The following FREM2 variants were observed in gnomAD, a reference collection of about 807,000 sequenced individuals.
FREM2 encodes FRAS1-related extracellular matrix protein 2.
In FREM2, 119 loss-of-function variants were observed where a neutral mutation model predicts 219.9. The observed-to-expected ratio is 0.54, with a 90% CI of 0.47 to 0.63. The LOEUF (loss-of-function observed/expected upper bound fraction) is 0.63, where lower values mean the gene tolerates loss of function less well. FREM2 is among the 30% of genes least tolerant of loss of function. The probability of loss-of-function intolerance (pLI) is 0.00; values close to 1 mark genes in which losing one functional copy is unlikely to be tolerated. For missense variants in FREM2, 4,030 were observed against 3,993.6 expected (o/e 1.01, Z -0.25); for synonymous variants, 1,562 against 1,522.8 (o/e 1.03, Z -0.60).
chr13:38,813,031 A>C (rs1875556925), intron 6 of FREM2, among the ~76,000 whole-genome samples: 1 of 151,696 alleles, frequency 6.6e-6, no homozygotes, highest in Non-Finnish European at 1.5e-5. Context: ...TGTTTTTAAA[A>C]GTTACAGTTA....
intron 6 of FREM2, among the ~76,000 whole-genome samples, chr13:38,790,802 G>A (rs1874529642): frequency 2.0e-5 from 3 of 152,092 alleles, no homozygotes; most frequent in Admixed American, 1.3e-4. Context: ...GACCTTTTTG[G>A]CAAAGTGATT....
chr13:38,869,107 C>T (rs1361879179), intron 16 of FREM2, among the ~76,000 whole-genome samples: 1 of 152,210 alleles, frequency 6.6e-6, no homozygotes, highest in East Asian at 1.9e-4. Flanking sequence ...CACATTTTAT[C>T]AACTGGCAAT....
In FREM2 at chr13:38,876,116, A is replaced by G; in HGVS notation, c.8376A>G (p.Pro2792=). Residue 2792 remains proline, a synonymous_variant, in exon 19 of 24, where the codon CCA becomes CCG. Coordinates refer to ENST00000280481, the MANE Select transcript of FREM2 (RefSeq NM_207361.6). ...GGAGTGAACCAACCTATAACCAGCC[A>G]GTACAGCAGTGGAGCTTTGTCTCTG... is the stretch of plus-strand genomic sequence containing the variant. The part of the protein sequence containing the change: ...LIRSEPTYNQ[P]VQQWSFVSDF... The G allele has an allele frequency of 6.2e-7, 1 of 1,614,188 alleles. No individual in the cohort carries two copies. The highest frequency in any genetic ancestry group is 8.5e-7 in the Non-Finnish European group (1 of 1,180,030).
At chr13:38,875,886 C>G in intron 18 of FREM2, 136 bp from the exon 19 acceptor site, 1 of 839,804 alleles carries the variant, frequency 1.2e-6, no homozygotes, top group Non-Finnish European at 2.0e-6. Context: ...ATTATACTAA[C>G]CATGACTGCT....
At chr13:38,848,355 C>G in intron 7 of FREM2, 106 bp from the exon 8 acceptor site, 1 of 857,126 alleles carries the variant, frequency 1.2e-6, no homozygotes, top group Admixed American at 1.9e-5. Flanking sequence ...ATGCTGGTCT[C>G]TATTTTTTAA....
chr13:38,735,435 C>T (rs1436600195), intron 2 of FREM2, among the ~76,000 whole-genome samples: 5 of 152,122 alleles, frequency 3.3e-5, no homozygotes, highest in Admixed American at 1.3e-4. Flanking sequence ...ATTATCTGCT[C>T]TCTTTTATGG....
chr13:38,838,605 C>T (rs1026730541), intron 6 of FREM2, among the ~76,000 whole-genome samples: 11 of 152,200 alleles, frequency 7.2e-5, no homozygotes, highest in Non-Finnish European at 1.2e-4. Context: ...ACCAATCAAA[C>T]GTAGGTTTGG....
At chr13:38,842,830 G>T (rs1434385884) in intron 6 of FREM2, among the ~76,000 whole-genome samples, 1 of 152,146 alleles carries the variant, frequency 6.6e-6, no homozygotes, top group Non-Finnish European at 1.5e-5. Context: ...GTGCTGTATT[G>T]CTCACCTGTC....
chr13:38,841,346 C>G (rs990069410), intron 6 of FREM2, among the ~76,000 whole-genome samples: 3 of 152,130 alleles, frequency 2.0e-5, no homozygotes, highest in African/African-American at 7.2e-5. Flanking sequence ...ATGTGCAGGT[C>G]TCTGTATCTT....
intron 6 of FREM2, among the ~76,000 whole-genome samples, chr13:38,834,871 G>T (rs1003988186): frequency 2.0e-5 from 3 of 152,128 alleles, no homozygotes; most frequent in Non-Finnish European, 2.9e-5. Context: ...TGAATAGATT[G>T]CAAAGATTTT....
At chr13:38,778,154 A>G (rs1031706120) in intron 4 of FREM2, among the ~76,000 whole-genome samples, 1 of 152,234 alleles carries the variant, frequency 6.6e-6, no homozygotes. Context: ...CCTGGCCAGT[A>G]TAGATTAGAA....
rs1391816906 is a variant in FREM2, at chr13:38,883,951, A to G, written c.*3164A>G. On this transcript the variant is annotated 3_prime_UTR_variant, in exon 24 of 24. Coordinates refer to ENST00000280481, the MANE Select transcript of FREM2 (RefSeq NM_207361.6). ...AAACCTCACTGGGGGAGTGCCTTGT[A>G]GAGCTGTGGGTGGGACTGCACATTC... is the stretch of plus-strand genomic sequence containing the variant. 6.6e-6 allele frequency: 1 copy of G among 152,234 alleles called. No homozygotes were observed. The highest frequency in any genetic ancestry group is 1.5e-5 in the Non-Finnish European group (1 of 68,042). The allele number at this position is 152,234 out of a possible 1,614,324, so 9.4% of individuals were successfully genotyped here. A position where few individuals can be genotyped will look rare whatever the true frequency, so the allele number is the denominator to read the frequency against.
At chr13:38,845,523 G>T (rs1566164113) in intron 6 of FREM2, among the ~76,000 whole-genome samples, 1 of 152,168 alleles carries the variant, frequency 6.6e-6, no homozygotes, top group Non-Finnish European at 1.5e-5. Context: ...ACATTCACCT[G>T]TGTCTGTTCA....
Position 38,885,124 on chromosome 13 carries a change from A to G in FREM2, c.*4337A>G, listed in dbSNP as rs1878683434. 6.6e-6 allele frequency: 1 copy of G among 152,164 alleles called. No homozygotes were observed. The highest frequency in any genetic ancestry group is 2.1e-4 in the South Asian group (1 of 4,838). The allele number at this position is 152,164 out of a possible 1,614,324, so 9.4% of individuals were successfully genotyped here. Reference sequence around the variant, plus strand: ...AAAATGCTTTGAGATTTTGGTAACTATTTTGATTTTGATAAAACATGTTAA... The same window carrying G: ...AAAATGCTTTGAGATTTTGGTAACTGTTTTGATTTTGATAAAACATGTTAA... On this transcript the variant is annotated 3_prime_UTR_variant, in exon 24 of 24. Transcript: ENST00000280481.
chr13:38,791,040 G>A (rs1409319849), intron 6 of FREM2, among the ~76,000 whole-genome samples: 1 of 152,132 alleles, frequency 6.6e-6, no homozygotes, highest in African/African-American at 2.4e-5. Context: ...GGCAAAGCAG[G>A]AAAAATTGGG....
At chr13:38,727,705 G>T (rs538390378) in intron 2 of FREM2, among the ~76,000 whole-genome samples, 117 of 152,356 alleles carry the variant, frequency 7.7e-4, no homozygotes, top group African/African-American at 2.6e-3. Flanking sequence ...ATGGTAGCAA[G>T]TATCTACGCA....
intron 2 of FREM2, among the ~76,000 whole-genome samples, chr13:38,723,669 T>A (rs1190042948): frequency 6.6e-6 from 1 of 152,180 alleles, no homozygotes; most frequent in African/African-American, 2.4e-5. Flanking sequence ...GAGAACTGAT[T>A]CCTAATGCCC....
intron 2 of FREM2, among the ~76,000 whole-genome samples, chr13:38,762,281 C>T (rs1873256047): frequency 2.0e-5 from 3 of 152,148 alleles, no homozygotes; most frequent in Non-Finnish European, 4.4e-5. Flanking sequence ...CCTTGGACTC[C>T]AGTTCTGAGG....
intron 6 of FREM2, among the ~76,000 whole-genome samples, chr13:38,805,467 A>G (rs1334559600): frequency 6.6e-6 from 1 of 151,958 alleles, no homozygotes; most frequent in Non-Finnish European, 1.5e-5. Flanking sequence ...CTCTATTTAA[A>G]CATACTAAGA....
Sources: allele counts gnomAD v4.1 joint callset (sites outside exome capture counted in the v4.1 genomes callset), GRCh38; gene constraint gnomAD v4.1.1; transcripts MANE v1.5; gene names NCBI Gene and HGNC (gene_info 2026-07-23, HGNC 2026-07-21).